Variants in DOP1B observed in about 807,000 individuals in gnomAD.
DOP1B encodes the protein DOP1 leucine zipper like protein B.
In DOP1B, 174 loss-of-function variants were observed where a neutral mutation model predicts 233.5. That is an observed-to-expected ratio of 0.75 (90% confidence interval 0.66 to 0.85). The LOEUF (loss-of-function observed/expected upper bound fraction) is 0.85. DOP1B is among the 40% of genes least tolerant of loss of function. The pLI is 0.00. For missense variants in DOP1B, 2,652 were observed against 2,846.6 expected (o/e 0.93, Z 1.56); for synonymous variants, 1,190 against 1,185.6 (o/e 1.00, Z -0.08).
At chr21:36,176,097 C>CATGTGCGTAT (rs1555886144) in intron 2 of DOP1B, among the ~76,000 whole-genome samples, 4 of 141,744 alleles carry the variant, frequency 2.8e-5, no homozygotes, top group African/African-American at 7.7e-5. Flanking sequence ...GGTGTGTGTG[C>CATGTGCGTAT]GTGTGTGTGT....
chr21:36,233,069 C>T lies in DOP1B; in HGVS notation c.2616C>T (p.Phe872=), dbSNP rs981873526. ...ILKVIAEKTD[F]YQRVARVLWN... ...AAGTCATTGCAGAGAAAACAGATTT[C>T]TATCAGGTATTTCCCACTGGGAACA... The change falls in exon 15 of 37, where the codon TTC becomes TTT. Residue 872 remains phenylalanine, a synonymous_variant. Transcript: ENST00000691173. The T allele has an allele frequency of 2.5e-6, 4 of 1,613,958 alleles. No individual in the cohort carries two copies. Among genetic ancestry groups the T allele is most frequent in the Non-Finnish European group, 3.4e-6 (4 of 1,179,922 alleles).
chr21:36,283,831 G>C (rs1003482396), intron 32 of DOP1B, among the ~76,000 whole-genome samples: 19 of 151,124 alleles, frequency 1.3e-4, no homozygotes, highest in African/African-American at 4.1e-4. Context: ...AAGGGAAGCA[G>C]TAAGCCTACT....
At chr21:36,272,884 T>A (rs1385039396) in intron 27 of DOP1B, among the ~76,000 whole-genome samples, 2 of 144,600 alleles carry the variant, frequency 1.4e-5, no homozygotes, top group Non-Finnish European at 3.0e-5. Flanking sequence ...CTCCGGAGGC[T>A]GAGGCAGGAG....
chr21:36,264,905 TAATA>T (rs1329975294), intron 26 of DOP1B, among the ~76,000 whole-genome samples: 1 of 152,250 alleles, frequency 6.6e-6, no homozygotes, highest in Non-Finnish European at 1.5e-5. Flanking sequence ...GAATGCCAAC[TAATA>T]AATACGGAAG....
chr21:36,221,473 C>T (rs113669212), intron 10 of DOP1B, among the ~76,000 whole-genome samples: 10,915 of 151,618 alleles, frequency 0.072, 538 homozygotes, highest in African/African-American at 0.13. Flanking sequence ...CCAGCCTGGG[C>T]GACAGAGCGA....
chr21:36,240,698 A>G (rs2123575492), intron 18 of DOP1B, among the ~76,000 whole-genome samples: 1 of 151,886 alleles, frequency 6.6e-6, no homozygotes, highest in South Asian at 2.1e-4. Flanking sequence ...ATTAGGAAAG[A>G]AAAGAAAAAC....
chr21:36,212,020 G>A lies in DOP1B; in HGVS notation c.827G>A (p.Arg276His), dbSNP rs372156556. ...AIPLLRSDIV[R>H]ILSAATQTLL... ...CCCCTCCTCAGATCTGACATCGTGC[G>A]CATTCTCTCAGCCGCCACCCAGACC... The change falls in exon 7 of 37, where the codon CGC (arginine) becomes CAC (histidine). Residue 276 changes from arginine to histidine, a missense_variant. Coordinates refer to ENST00000691173, the MANE Select transcript of DOP1B (RefSeq NM_001320714.2). The A allele has an allele frequency of 1.4e-5, 23 of 1,613,894 alleles. No homozygotes were observed. Among genetic ancestry groups the A allele is most frequent in the African/African-American group, 1.1e-4 (8 of 74,990 alleles).
intron 3 of DOP1B, 36 bp downstream of exon 3, chr21:36,199,287 C>A: frequency 6.3e-7 from 1 of 1,582,862 alleles, no homozygotes; most frequent in Non-Finnish European, 8.6e-7. Flanking sequence ...CTTTTTATTA[C>A]CCAAGTAACC....
rs73902178 is a variant in DOP1B, at chr21:36,175,975, T to C, written c.138+11104T>C. Among the ~76,000 whole-genome samples the C allele has an allele frequency of 3.5e-3, 528 of 152,240 alleles. 2 individuals are homozygous for C. The highest frequency in any genetic ancestry group is 0.012 in the African/African-American group (500 of 41,542). On this transcript the variant is annotated intron_variant, in intron 2 of 36. Coordinates refer to ENST00000691173, the MANE Select transcript of DOP1B (RefSeq NM_001320714.2). ...GTCACCTGTTTACAAAGCTGATCTC[T>C]GGTAGAAGCCCAGATGGTCTTTTAT... is the stretch of plus-strand genomic sequence containing the variant.
At chr21:36,169,962 T>C (rs1379572294) in intron 2 of DOP1B, 1 of 766,176 alleles carries the variant, frequency 1.3e-6, no homozygotes, top group African/African-American at 1.7e-5. Flanking sequence ...TCATGGCCTC[T>C]ACCACCTCCT....
rs554557970 is a variant in DOP1B at position 36,250,453 on chromosome 21, T to C, written c.4999-709T>C. 8.7e-4 allele frequency among the ~76,000 whole-genome samples: 132 copies of C among 152,228 alleles called. 1 individual carries two copies. Among genetic ancestry groups the C allele is most frequent in the African/African-American group, 2.9e-3 (119 of 41,522 alleles). ...AGAAACACAGGGTTTCCTGAGAGTG[T>C]GTGAACAGGAGGCCTGGCCTGACCT... On this transcript the variant is annotated intron_variant, in intron 21 of 36. Transcript: ENST00000691173.
In DOP1B at chr21:36,289,057, A is replaced by C. The variant is rs774497118; in HGVS notation, c.6366A>C (p.Lys2122Asn). 4 of 1,611,494 alleles carry C rather than the reference A, an allele frequency of 2.5e-6. No individual in the cohort carries two copies. The South Asian group carries it at 4.4e-5, about 18-fold the overall frequency. Residue 2122 changes from lysine to asparagine, a missense_variant, in exon 35 of 37, where the codon AAA becomes AAC. Physicochemically the swap from Lys to Asn is moderately conservative, Grantham distance 94 (BLOSUM62 0). This residue lies in a region of DOP1B where 2,617 missense variants were observed against 2,794.3 expected (regional missense o/e 0.94). Coordinates refer to ENST00000691173, the MANE Select transcript of DOP1B (RefSeq NM_001320714.2). ...DEDESLRSTN[K>N]VNRTKVSVPD... is the part of the protein sequence containing the mutation. The stretch of plus-strand genomic sequence containing the variant: ...TGCAAATTTATAGAAGCACCAACAA[A>C]GTAAACAGAACGAAAGTTTCAGTCC...
chr21:36,211,516 T>C (rs376659932), intron 5 of DOP1B, 37 bp from the exon 6 acceptor site: 160 of 1,585,660 alleles, frequency 1.0e-4, no homozygotes, highest in South Asian at 4.5e-4. Flanking sequence ...CCATAAAGAG[T>C]AGCCTGAAAA....
intron 29 of DOP1B, 30 bp downstream of exon 29, chr21:36,278,114 C>T (rs1466378889): frequency 6.2e-7 from 1 of 1,612,206 alleles, no homozygotes; most frequent in African/African-American, 1.3e-5. Flanking sequence ...TTCTTCCCAC[C>T]CATATGCAGA....
Position 36,288,024 on chromosome 21 carries a change from A to G in DOP1B, c.6171A>G (p.Thr2057=), listed in dbSNP as rs754172678. 6 of 1,613,238 alleles carry G rather than the reference A, an allele frequency of 3.7e-6. No individual in the cohort carries two copies. Among genetic ancestry groups the G allele is most frequent in the South Asian group, 1.1e-5 (1 of 90,708 alleles). ...LYLPLIQERL[T]DNLRVGQTSI... is the part of the protein sequence containing the mutation. Reference sequence around the variant, plus strand: ...ATCTTCTTTCCTTAGAACGCCTGACAGACAATCTCAGAGTTGGACAGACAT... The same window carrying G: ...ATCTTCTTTCCTTAGAACGCCTGACGGACAATCTCAGAGTTGGACAGACAT... The change falls in exon 33 of 37, where the codon ACA becomes ACG. Residue 2057 remains threonine, a synonymous_variant. Transcript: ENST00000691173.
At chr21:36,215,189 A>G (rs1381755563) in intron 9 of DOP1B, among the ~76,000 whole-genome samples, 1 of 152,098 alleles carries the variant, frequency 6.6e-6, no homozygotes, top group Non-Finnish European at 1.5e-5. Flanking sequence ...TTGATTTTCA[A>G]TTAAGTAGGG....
chr21:36,198,680 C>T (rs9983891), intron 2 of DOP1B, among the ~76,000 whole-genome samples: 32,991 of 152,000 alleles, frequency 0.22, 3,592 homozygotes, highest in African/African-American at 0.27. Context: ...CTGGAGAACA[C>T]GGGTTCCTCC....
At chr21:36,212,139 G>T in intron 7 of DOP1B, 42 bp downstream of exon 7, 1 of 1,518,236 alleles carries the variant, frequency 6.6e-7, no homozygotes, top group African/African-American at 1.4e-5. Flanking sequence ...AAGTTAATAT[G>T]AAACCTTTTA....
chr21:36,224,221 C>G (rs1030588369), intron 11 of DOP1B, among the ~76,000 whole-genome samples: 3 of 151,994 alleles, frequency 2.0e-5, no homozygotes, highest in Admixed American at 6.6e-5. Context: ...ACGATCCCAG[C>G]TCACTGCAAC....
Sources: gnomAD v4.1 joint callset for allele counts (sites outside exome capture counted in the v4.1 genomes callset) on GRCh38, gnomAD v4.1.1 for gene constraint, gnomAD v4.1.1 regional missense constraint, MANE v1.5 for transcripts, NCBI Gene and HGNC (gene_info 2026-07-23, HGNC 2026-07-21) for gene names.